Variants in ELF2 observed in about 807,000 individuals in gnomAD.
ELF2 encodes ETS-related transcription factor Elf-2.
ELF2 carries 11 observed loss-of-function variants against 54.8 expected under a neutral mutation model. The ratio of observed to expected loss-of-function variants is 0.20; its 90% CI spans 0.13 to 0.33. ELF2 has a LOEUF of 0.33. ELF2 is among the 10% of genes least tolerant of loss of function. The pLI, the probability that ELF2 is intolerant of heterozygous loss-of-function variation, is 1.00. For synonymous variants in ELF2, 203 were observed against 245.1 expected, an observed-to-expected ratio of 0.83 and a Z score of 1.61; for missense variants, 513 against 703.0, an observed-to-expected ratio of 0.73 and a Z score of 3.06.
intron 4 of ELF2, among the ~76,000 whole-genome samples, chr4:139,111,022 A>G (rs560642827): frequency 1.1e-3 from 166 of 152,320 alleles, no homozygotes; most frequent in African/African-American, 3.8e-3. Context: ...TGAATTTTTC[A>G]GTTTTTTAGA....
At chr4:139,176,511 A>G (rs1281855008) in intron 1 of ELF2, among the ~76,000 whole-genome samples, 3 of 148,028 alleles carry the variant, frequency 2.0e-5, no homozygotes, top group Non-Finnish European at 4.5e-5. Flanking sequence ...AAACCCTCCC[A>G]GGACGCGCTT....
At chr4:139,122,552 A>T (rs1736486170) in intron 4 of ELF2, among the ~76,000 whole-genome samples, 1 of 151,526 alleles carries the variant, frequency 6.6e-6, no homozygotes, top group Non-Finnish European at 1.5e-5. Context: ...CCCAGCCTGG[A>T]GTGCAGTAGC....
chr4:139,176,587 T>C (rs1742950789), intron 1 of ELF2, among the ~76,000 whole-genome samples: 1 of 152,090 alleles, frequency 6.6e-6, no homozygotes, highest in South Asian at 2.1e-4. Flanking sequence ...AGTCCGCTTC[T>C]CGGCAGAGGT....
chr4:139,110,168 GA>G lies in ELF2; in HGVS notation c.238+14995del, dbSNP rs554447896. Among the ~76,000 whole-genome samples, 8 of 152,198 alleles carry G rather than the reference GA, an allele frequency of 5.3e-5. No individual in the cohort carries two copies. In the East Asian group the frequency reaches 1.4e-3, roughly 26 times the overall value. On this transcript the variant is annotated intron_variant, in intron 4 of 9. Transcript: ENST00000686138. ...TGTCTGTGCTATTGGTGTAAAAGAA[GA>G]AAAAACTACCTAATCACAATAACAA...
intron 4 of ELF2, chr4:139,115,308 C>T (rs1338139568): frequency 1.0e-5 from 16 of 1,552,768 alleles, no homozygotes; most frequent in Admixed American, 8.0e-5. Context: ...GGTCCTGGGC[C>T]GCCACTGCCC....
chr4:139,176,745 C>T (rs1351912450), intron 1 of ELF2, among the ~76,000 whole-genome samples: 2 of 151,960 alleles, frequency 1.3e-5, no homozygotes, highest in African/African-American at 4.8e-5. Flanking sequence ...TTCTCCAAGT[C>T]CCGCTCCGCG....
At chr4:139,106,847 G>T (rs1467754040) in intron 4 of ELF2, among the ~76,000 whole-genome samples, 3 of 149,256 alleles carry the variant, frequency 2.0e-5, no homozygotes, top group African/African-American at 7.4e-5. Context: ...AGGTACAAGT[G>T]ATTCTCCTGT....
intron 8 of ELF2, among the ~76,000 whole-genome samples, chr4:139,061,202 T>C (rs1727800668): frequency 6.7e-6 from 1 of 148,180 alleles, no homozygotes; most frequent in South Asian, 2.1e-4. Context: ...TTTTTGAGAG[T>C]CTCGCTCTGT....
chr4:139,139,427 G>C lies in ELF2; in HGVS notation c.-181C>G. 1 of 1,229,048 alleles carries C rather than the reference G, an allele frequency of 8.1e-7. No homozygotes were observed. The highest frequency in any genetic ancestry group is 1.0e-6 in the Non-Finnish European group (1 of 986,160). The allele number at this position is 1,229,048 out of a possible 1,614,324, so 76.1% of individuals were successfully genotyped here. A position where few individuals can be genotyped will look rare whatever the true frequency, so the allele number is the denominator to read the frequency against. On this transcript the variant is annotated 5_prime_UTR_variant, in exon 2 of 10. Coordinates refer to ENST00000686138, the MANE Select transcript of ELF2 (RefSeq NM_001331036.3). ...ATTTTACTTACAGTTTGTATGTTAA[G>C]TAGTCTAAGCATCCTTCACTATTTT...
intron 1 of ELF2, among the ~76,000 whole-genome samples, chr4:139,164,877 AG>A (rs1741569271): frequency 1.3e-5 from 2 of 152,200 alleles, no homozygotes; most frequent in African/African-American, 4.8e-5. Context: ...GATTTTACTA[AG>A]AGCCATGTAT....
intron 4 of ELF2, among the ~76,000 whole-genome samples, chr4:139,094,191 G>A (rs1732994632): frequency 6.6e-6 from 1 of 152,026 alleles, no homozygotes; most frequent in African/African-American, 2.4e-5. Context: ...GAGCCACCAC[G>A]CCCGGCAACT....
At chr4:139,107,101 T>C (rs997020514) in intron 4 of ELF2, among the ~76,000 whole-genome samples, 2 of 152,202 alleles carry the variant, frequency 1.3e-5, no homozygotes, top group Non-Finnish European at 2.9e-5. Flanking sequence ...TATTTTACTT[T>C]ATATTTTAAA....
intron 4 of ELF2, among the ~76,000 whole-genome samples, chr4:139,087,705 T>C (rs933602583): frequency 6.6e-5 from 10 of 152,244 alleles, no homozygotes; most frequent in African/African-American, 2.4e-4. Flanking sequence ...GACCTCGTGA[T>C]CCGCCCTCCC....
intron 4 of ELF2, among the ~76,000 whole-genome samples, chr4:139,085,584 A>C (rs1731893614): frequency 6.6e-6 from 1 of 152,028 alleles, no homozygotes; most frequent in Non-Finnish European, 1.5e-5. Flanking sequence ...ATTTCTCCTA[A>C]TATTCATTTA....
intron 1 of ELF2, among the ~76,000 whole-genome samples, chr4:139,159,131 T>C (rs945322082): frequency 6.6e-6 from 1 of 152,154 alleles, no homozygotes; most frequent in African/African-American, 2.4e-5. Flanking sequence ...CCAGTGAAAG[T>C]GTCCACCTAG....
Position 139,072,207 on chromosome 4 carries a change from C to T in ELF2, c.353-168G>A, listed in dbSNP as rs139305334. 392 of 618,826 alleles carry T rather than the reference C, an allele frequency of 6.3e-4. 2 individuals are homozygous for T. The African/African-American group carries it at 6.9e-3, about 11-fold the overall frequency. 38.3% of individuals were successfully genotyped at this position (618,826 alleles called of 1,614,324 possible). A position where few individuals can be genotyped will look rare whatever the true frequency, so the allele number is the denominator to read the frequency against. On this transcript the variant is annotated intron_variant, in intron 5 of 9. Coordinates refer to ENST00000686138, the MANE Select transcript of ELF2 (RefSeq NM_001331036.3). ...TGAATATTCGATATGATTTAAACTACATAAGGAAAATAAATGCATGGAAAA... is the reference window on the plus strand; with the variant it reads ...TGAATATTCGATATGATTTAAACTATATAAGGAAAATAAATGCATGGAAAA...
At chr4:139,163,041 C>T (rs1429612419) in intron 1 of ELF2, among the ~76,000 whole-genome samples, 5 of 151,982 alleles carry the variant, frequency 3.3e-5, no homozygotes, top group African/African-American at 9.7e-5. Flanking sequence ...AGTTATAGTA[C>T]GCTATGATCA....
intron 4 of ELF2, among the ~76,000 whole-genome samples, chr4:139,093,758 C>G (rs990320705): frequency 2.0e-5 from 3 of 152,124 alleles, no homozygotes; most frequent in Admixed American, 6.5e-5. Flanking sequence ...ACATTATATA[C>G]TAAAGCCTAT....
At chr4:139,147,965 T>C (rs1303108546) in intron 1 of ELF2, among the ~76,000 whole-genome samples, 1 of 151,672 alleles carries the variant, frequency 6.6e-6, no homozygotes, top group African/African-American at 2.4e-5. Context: ...TTTGTATTTT[T>C]AGTAGAGACA....
Sources: gnomAD v4.1 joint callset for allele counts (sites outside exome capture counted in the v4.1 genomes callset) on GRCh38, gnomAD v4.1.1 for gene constraint, MANE v1.5 for transcripts, NCBI Gene and HGNC (gene_info 2026-07-23, HGNC 2026-07-21) for gene names.